The following CREB1 variants were observed in gnomAD, a reference collection of about 807,000 sequenced individuals.
CREB1 encodes cyclic AMP-responsive element-binding protein 1.
In CREB1, 2 loss-of-function variants were observed where a neutral mutation model predicts 42.0. That is an observed-to-expected ratio of 0.05 (90% CI 0.02 to 0.15). The LOEUF (loss-of-function observed/expected upper bound fraction) is 0.15, where lower values mean the gene tolerates loss of function less well. Among genes scored for constraint, CREB1 ranks in the 10% least tolerant of loss-of-function variants. CREB1 has a pLI of 1.00. For synonymous variants in CREB1, 123 were observed against 139.9 expected, an observed-to-expected ratio of 0.88 and a Z score of 0.85; for missense variants, 199 against 388.9, an observed-to-expected ratio of 0.51 and a Z score of 4.11.
At chr2:207,530,630 G>C (rs980599027) in intron 1 of CREB1, among the ~76,000 whole-genome samples, 4 of 149,650 alleles carry the variant, frequency 2.7e-5, no homozygotes, top group Admixed American at 2.7e-4. Flanking sequence ...CCGGGCCTCC[G>C]GGGCAGCCGC....
intron 1 of CREB1, among the ~76,000 whole-genome samples, chr2:207,548,306 T>A (rs1435858495): frequency 6.6e-6 from 1 of 152,214 alleles, no homozygotes; most frequent in Non-Finnish European, 1.5e-5. Flanking sequence ...CTACATTTTT[T>A]AAAAACAAAT....
chr2:207,557,696 G>A (rs987606639), intron 2 of CREB1, among the ~76,000 whole-genome samples: 1 of 152,104 alleles, frequency 6.6e-6, no homozygotes, highest in African/African-American at 2.4e-5. Context: ...GAATGTACAT[G>A]TGCCTTAACA....
chr2:207,539,491 T>C (rs2081010626), intron 1 of CREB1, among the ~76,000 whole-genome samples: 1 of 152,196 alleles, frequency 6.6e-6, no homozygotes, highest in Non-Finnish European at 1.5e-5. Context: ...CCATTGACTT[T>C]ATTATGGTTG....
chr2:207,589,929 T>C (rs2084642917), intron 7 of CREB1, among the ~76,000 whole-genome samples: 1 of 152,168 alleles, frequency 6.6e-6, no homozygotes, highest in Non-Finnish European at 1.5e-5. Context: ...GAGTTTGTTA[T>C]TAGGGTAATG....
intron 7 of CREB1, chr2:207,577,916 C>T (rs2082658574): frequency 2.3e-6 from 1 of 437,586 alleles, no homozygotes. Context: ...CACAACTTCC[C>T]TATGTCTGCA....
intron 7 of CREB1, among the ~76,000 whole-genome samples, chr2:207,583,183 TATA>T (rs1462628134): frequency 6.6e-6 from 1 of 152,108 alleles, no homozygotes; most frequent in African/African-American, 2.4e-5. Flanking sequence ...TATATGCAAA[TATA>T]ATGCCATTTT....
intron 5 of CREB1, among the ~76,000 whole-genome samples, chr2:207,573,396 A>T (rs2106559272): frequency 6.6e-6 from 1 of 152,334 alleles, no homozygotes; most frequent in African/African-American, 2.4e-5. Context: ...AGTGGCTAGA[A>T]CCCAGATGCT....
chr2:207,557,381 T>C (rs1042163371), intron 2 of CREB1, among the ~76,000 whole-genome samples: 1 of 152,068 alleles, frequency 6.6e-6, no homozygotes, highest in Non-Finnish European at 1.5e-5. Context: ...AGATAGCATG[T>C]TATAAAAATT....
chr2:207,536,694 A>G (rs976188403), intron 1 of CREB1, among the ~76,000 whole-genome samples: 5 of 152,160 alleles, frequency 3.3e-5, no homozygotes, highest in African/African-American at 1.2e-4. Flanking sequence ...TTAAAATATT[A>G]CTATGTGCTA....
At chr2:207,585,142 T>C (rs561750485) in intron 7 of CREB1, among the ~76,000 whole-genome samples, 1 of 152,302 alleles carries the variant, frequency 6.6e-6, no homozygotes, top group East Asian at 1.9e-4. Flanking sequence ...CACTATCACA[T>C]TGGCCACCCA....
rs1325894521 is a variant in CREB1, at chr2:207,603,443, T to C, written c.*6385T>C. 1 of 224,538 alleles carries C rather than the reference T, an allele frequency of 4.5e-6. No individual in the cohort carries two copies. Among genetic ancestry groups the C allele is most frequent in the Non-Finnish European group, 8.9e-6 (1 of 112,748 alleles). 13.9% of individuals were successfully genotyped at this position (224,538 alleles called of 1,614,324 possible). A position where few individuals can be genotyped will look rare whatever the true frequency, so the allele number is the denominator to read the frequency against. On this transcript the variant is annotated 3_prime_UTR_variant, in exon 8 of 8. Transcript: ENST00000353267. ...GCTTTTAAAAACTCTGTAAGTCTCT[T>C]TTTTGGGGATGGGATCTCTATATTT... is the stretch of plus-strand genomic sequence containing the variant.
chr2:207,546,179 G>A (rs1421836055), intron 1 of CREB1, among the ~76,000 whole-genome samples: 1 of 152,182 alleles, frequency 6.6e-6, no homozygotes, highest in Non-Finnish European at 1.5e-5. Context: ...GCGTGAGATT[G>A]TAGTAATCAA....
At chr2:207,584,078 C>T (rs2083395178) in intron 7 of CREB1, among the ~76,000 whole-genome samples, 1 of 152,170 alleles carries the variant, frequency 6.6e-6, no homozygotes, top group Admixed American at 6.5e-5. Flanking sequence ...CTTTGAATTT[C>T]ATCCCAGTTA....
chr2:207,545,747 T>G (rs994167855), intron 1 of CREB1, among the ~76,000 whole-genome samples: 14 of 151,418 alleles, frequency 9.2e-5, no homozygotes, highest in Non-Finnish European at 1.5e-5. Context: ...TTTTTTTTTT[T>G]TGTGAGATGG....
chr2:207,559,660 C>G (rs2081878781), intron 2 of CREB1, among the ~76,000 whole-genome samples: 1 of 152,136 alleles, frequency 6.6e-6, no homozygotes, highest in African/African-American at 2.4e-5. Context: ...ATTAAAACTG[C>G]CTTAGTTCTA....
chr2:207,568,520 GC>G (rs35119018), intron 4 of CREB1, among the ~76,000 whole-genome samples: 23,637 of 151,990 alleles, frequency 0.16, 2,026 homozygotes, highest in Middle Eastern at 0.2. Flanking sequence ...AAATATAAAA[GC>G]CAGGATTATT....
chr2:207,543,511 A>C (rs187118260), intron 1 of CREB1, among the ~76,000 whole-genome samples: 1 of 152,292 alleles, frequency 6.6e-6, no homozygotes, highest in African/African-American at 2.4e-5. Flanking sequence ...ACTCACAGTA[A>C]GTAAGGCGTA....
intron 6 of CREB1, chr2:207,577,006 T>C: frequency 1.1e-6 from 1 of 908,774 alleles, no homozygotes; most frequent in Non-Finnish European, 1.3e-6. Flanking sequence ...ATACTTTTAG[T>C]TTTGTTTTAA....
At chr2:207,593,677 AT>A (rs1267423898) in intron 7 of CREB1, among the ~76,000 whole-genome samples, 2 of 150,134 alleles carry the variant, frequency 1.3e-5, no homozygotes, top group Non-Finnish European at 3.0e-5. Context: ...TAGGCACTAT[AT>A]TGTGTGCTTT....
Sources: allele counts gnomAD v4.1 joint callset (sites outside exome capture counted in the v4.1 genomes callset), GRCh38; gene constraint gnomAD v4.1.1; transcripts MANE v1.5; gene names NCBI Gene and HGNC (gene_info 2026-07-23, HGNC 2026-07-21).